CDKAL1: variants seen among roughly 807,000 people sequenced by gnomAD.
CDKAL1 encodes the protein CDKAL1 threonylcarbamoyladenosine tRNA methylthiotransferase, also known as threonylcarbamoyladenosine tRNA methylthiotransferase.
A neutral mutation model predicts 68.2 loss-of-function variants in CDKAL1; 32 were observed. The observed-to-expected ratio is 0.47, with a 90% CI of 0.35 to 0.63. CDKAL1 has a LOEUF of 0.63. Among genes scored for constraint, CDKAL1 ranks in the 30% least tolerant of loss-of-function variants. The probability of loss-of-function intolerance (pLI) is 0.00; values close to 1 mark genes in which losing one functional copy is unlikely to be tolerated. For missense variants in CDKAL1, 606 were observed against 696.7 expected, an observed-to-expected ratio of 0.87 and a Z score of 1.47; for synonymous variants, 234 against 244.3, an observed-to-expected ratio of 0.96 and a Z score of 0.39.
At position 20,977,901 on chromosome 6, in the gene CDKAL1, AATC is replaced by A. The variant is rs1283096156; in HGVS notation, c.909+22319_909+22321del. On this transcript the variant is annotated intron_variant, in intron 10 of 15. Transcript: ENST00000274695. ...TCAAAATATTAATGATAATAATAAT[AATC>A]ATTATTTATGTAAAGTTAATGTTTT... 1.2e-4 allele frequency among the ~76,000 whole-genome samples: 19 copies of A among 152,172 alleles called. No individual in the cohort carries two copies. In the South Asian group the frequency reaches 3.7e-3, roughly 30 times the overall value.
chr6:21,048,394 G>A (rs531655680), intron 11 of CDKAL1, among the ~76,000 whole-genome samples: 23 of 152,212 alleles, frequency 1.5e-4, no homozygotes, highest in Middle Eastern at 3.4e-3. Flanking sequence ...CAACTCATAA[G>A]AAATAAAGTA....
intron 5 of CDKAL1, among the ~76,000 whole-genome samples, chr6:20,732,810 A>G (rs1270716870): frequency 6.6e-6 from 1 of 151,988 alleles, no homozygotes; most frequent in Non-Finnish European, 1.5e-5. Flanking sequence ...CATTTTTCCC[A>G]TGTAGTTTCT....
intron 4 of CDKAL1, among the ~76,000 whole-genome samples, chr6:20,601,889 T>C (rs1766113231): frequency 6.6e-6 from 1 of 152,210 alleles, no homozygotes. Context: ...TGTTTATTTG[T>C]TATACATACA....
intron 4 of CDKAL1, among the ~76,000 whole-genome samples, chr6:20,619,875 C>A (rs1370481140): frequency 1.3e-5 from 2 of 152,140 alleles, no homozygotes; most frequent in Admixed American, 6.6e-5. Flanking sequence ...TAAATATCCC[C>A]CTATTTTCTA....
rs568978406 is a variant in CDKAL1 at position 21,226,113 on chromosome 6, C to T, written c.1549-4735C>T. On this transcript the variant is annotated intron_variant, in intron 15 of 15. Transcript: ENST00000274695. The stretch of plus-strand genomic sequence containing the variant: ...CTCCTAGAACCGGTTCCATCTGTGC[C>T]TTGTGGCGTGAAACATGCTCAAGTT... 8.5e-5 allele frequency among the ~76,000 whole-genome samples: 13 copies of T among 152,268 alleles called. No individual in the cohort carries two copies. In the South Asian group the frequency reaches 1.7e-3, roughly 19 times the overall value.
intron 7 of CDKAL1, among the ~76,000 whole-genome samples, chr6:20,758,864 A>G (rs1774346948): frequency 6.6e-6 from 1 of 152,172 alleles, no homozygotes; most frequent in Non-Finnish European, 1.5e-5. Flanking sequence ...GCAAAGAGCA[A>G]TGGCTTACTC....
intron 9 of CDKAL1, among the ~76,000 whole-genome samples, chr6:20,930,581 C>T (rs1763395978): frequency 6.6e-6 from 1 of 152,126 alleles, no homozygotes. Flanking sequence ...CATGTCGAAA[C>T]CTGGAGTGGA....
chr6:21,043,254 A>G (rs1437553857), intron 11 of CDKAL1, among the ~76,000 whole-genome samples: 1 of 152,122 alleles, frequency 6.6e-6, no homozygotes, highest in African/African-American at 2.4e-5. Flanking sequence ...AGTTTAATTG[A>G]TGGTGTTGAT....
At chr6:20,848,416 C>T (rs188147784) in intron 9 of CDKAL1, among the ~76,000 whole-genome samples, 1 of 152,172 alleles carries the variant, frequency 6.6e-6, no homozygotes, top group East Asian at 1.9e-4. Context: ...CAATATCCAC[C>T]TTAGCTCTGT....
chr6:20,862,664 C>T (rs866187225), intron 9 of CDKAL1, among the ~76,000 whole-genome samples: 6 of 132,990 alleles, frequency 4.5e-5, no homozygotes, highest in South Asian at 2.3e-4. Flanking sequence ...TGTGTGTGTG[C>T]GCGCGTGCAT....
intron 4 of CDKAL1, among the ~76,000 whole-genome samples, chr6:20,561,764 T>A (rs907320893): frequency 6.6e-6 from 1 of 152,210 alleles, no homozygotes. Flanking sequence ...TTGAATATAA[T>A]GTATAGAAGT....
chr6:20,670,333 T>A (rs1769753217), intron 5 of CDKAL1, among the ~76,000 whole-genome samples: 1 of 152,208 alleles, frequency 6.6e-6, no homozygotes, highest in Non-Finnish European at 1.5e-5. Flanking sequence ...CATTGTGGAT[T>A]CTCCCCACTT....
chr6:20,894,391 C>CTTT (rs5874793), intron 9 of CDKAL1, among the ~76,000 whole-genome samples: 40,613 of 123,684 alleles, frequency 0.33, 7,472 homozygotes, highest in Non-Finnish European at 0.41. Flanking sequence ...ACCCCACATA[C>CTTT]TTTTTTTTTT....
chr6:21,103,261 C>T (rs534186927), intron 12 of CDKAL1, among the ~76,000 whole-genome samples: 1 of 152,286 alleles, frequency 6.6e-6, no homozygotes, highest in East Asian at 1.9e-4. Flanking sequence ...ACCTCACATT[C>T]AGAATACAAG....
intron 4 of CDKAL1, among the ~76,000 whole-genome samples, chr6:20,582,247 T>G (rs570014539): frequency 6.6e-6 from 1 of 152,304 alleles, no homozygotes; most frequent in South Asian, 2.1e-4. Flanking sequence ...TGTCTTTATT[T>G]TTTCAATTAT....
intron 13 of CDKAL1, among the ~76,000 whole-genome samples, chr6:21,173,317 A>G (rs2151077667): frequency 6.6e-6 from 1 of 151,884 alleles, no homozygotes; most frequent in East Asian, 1.9e-4. Context: ...TTGTTTTTTA[A>G]TTCTTCCATG....
At chr6:20,590,735 T>G (rs112815228) in intron 4 of CDKAL1, among the ~76,000 whole-genome samples, 4,616 of 152,322 alleles carry the variant, frequency 0.03, 229 homozygotes, top group African/African-American at 0.1. Flanking sequence ...ATGTGCCACA[T>G]TTTCTTTATC....
chr6:20,825,313 T>A (rs546758675), intron 8 of CDKAL1, among the ~76,000 whole-genome samples: 20 of 144,856 alleles, frequency 1.4e-4, no homozygotes, highest in African/African-American at 4.8e-4. Context: ...GACATAATAA[T>A]TTTGAATTTG....
At chr6:21,225,193 G>A (rs1779695919) in intron 15 of CDKAL1, among the ~76,000 whole-genome samples, 1 of 152,124 alleles carries the variant, frequency 6.6e-6, no homozygotes, top group Non-Finnish European at 1.5e-5. Context: ...GCCCACACGG[G>A]GTGGGCAGTG....
Sources: allele counts gnomAD v4.1 joint callset (sites outside exome capture counted in the v4.1 genomes callset), GRCh38; gene constraint gnomAD v4.1.1; transcripts MANE v1.5; gene names NCBI Gene and HGNC (gene_info 2026-07-23, HGNC 2026-07-21).